The following VPS54 variants were observed in gnomAD, a reference collection of about 807,000 sequenced individuals.
VPS54 encodes vacuolar protein sorting-associated protein 54.
A neutral mutation model predicts 121.5 loss-of-function variants in VPS54; 45 were observed. The observed-to-expected ratio is 0.37, with a 90% CI of 0.29 to 0.47. VPS54 has a LOEUF of 0.47. VPS54 is among the 20% of genes least tolerant of loss of function. The pLI is 0.99. For missense variants in VPS54, 1,090 were observed against 1,131.4 expected (o/e 0.96, Z 0.52); for synonymous variants, 371 against 385.8 (o/e 0.96, Z 0.45).
At chr2:63,939,643 A>C (rs1255224637) in intron 11 of VPS54, among the ~76,000 whole-genome samples, 1 of 152,200 alleles carries the variant, frequency 6.6e-6, no homozygotes. Flanking sequence ...ATCTAATCTG[A>C]CCAGCTAAAG....
chr2:63,921,435 A>T, intron 12 of VPS54, 100 bp from the exon 13 acceptor site: 2 of 1,318,784 alleles, frequency 1.5e-6, no homozygotes, highest in Non-Finnish European at 1.0e-6. Flanking sequence ...TGTAAAATTC[A>T]CATTTGAAGA....
At chr2:63,974,984 AC>A (rs1676457938) in intron 3 of VPS54, 1 of 1,549,286 alleles carries the variant, frequency 6.5e-7, no homozygotes, top group Non-Finnish European at 8.7e-7. Flanking sequence ...GGACATCCTT[AC>A]CTTGATCCTG....
At chr2:64,000,398 T>C (rs571736095) in intron 1 of VPS54, among the ~76,000 whole-genome samples, 3 of 152,232 alleles carry the variant, frequency 2.0e-5, no homozygotes, top group Non-Finnish European at 4.4e-5. Context: ...CCTGGTGCCT[T>C]ATTTAGTTCA....
intron 2 of VPS54, among the ~76,000 whole-genome samples, chr2:63,982,932 A>G (rs1342711818): frequency 1.3e-5 from 2 of 152,210 alleles, no homozygotes; most frequent in African/African-American, 4.8e-5. Flanking sequence ...GCAAATTACC[A>G]CAAATGTGCC....
At chr2:64,005,259 G>A (rs965771553) in intron 1 of VPS54, among the ~76,000 whole-genome samples, 20 of 150,460 alleles carry the variant, frequency 1.3e-4, no homozygotes, top group East Asian at 3.9e-4. Flanking sequence ...GCCCGCCACC[G>A]CGCCCGGCTA....
chr2:63,933,555 T>G, intron 12 of VPS54, 118 bp downstream of exon 12: 1 of 884,294 alleles, frequency 1.1e-6, no homozygotes, highest in Non-Finnish European at 1.7e-6. Flanking sequence ...AATTAATATA[T>G]TTTTGTTAAA....
intron 1 of VPS54, among the ~76,000 whole-genome samples, chr2:63,992,366 T>C (rs1677368424): frequency 6.6e-6 from 1 of 152,206 alleles, no homozygotes; most frequent in Non-Finnish European, 1.5e-5. Flanking sequence ...GTACTCCCAG[T>C]CAGCATATGA....
At chr2:63,914,407 G>T in intron 16 of VPS54, 120 bp from the exon 17 acceptor site, 1 of 687,692 alleles carries the variant, frequency 1.5e-6, no homozygotes, top group South Asian at 1.9e-5. Flanking sequence ...AATGACCTTG[G>T]TAACTATGTT....
In VPS54 at chr2:63,892,857, T is replaced by A. The variant is rs545333043; in HGVS notation, c.*573A>T. 1.3e-5 allele frequency: 2 copies of A among 153,186 alleles called. No homozygotes were observed. Among genetic ancestry groups the A allele is most frequent in the South Asian group, 4.1e-4 (2 of 4,858 alleles). 9.5% of individuals were successfully genotyped at this position (153,186 alleles called of 1,614,324 possible). A position where few individuals can be genotyped will look rare whatever the true frequency, so the allele number is the denominator to read the frequency against. ...TATTAAATATGCAACACACAAAGCCTGCAACTTGACATTGGTCACTGAAAC... is the reference window on the plus strand; with the variant it reads ...TATTAAATATGCAACACACAAAGCCAGCAACTTGACATTGGTCACTGAAAC... On this transcript the variant is annotated 3_prime_UTR_variant, in exon 23 of 23. Coordinates refer to ENST00000272322, the MANE Select transcript of VPS54 (RefSeq NM_016516.3).
In VPS54 at chr2:63,969,099, TAA is replaced by T; in HGVS notation, c.458-110_458-109del. ...TTGTACTGGGTCACATCCAAATAACTAAAGTTTATTCCTTCAACAAATTATCT... is the reference window on the plus strand; with the variant it reads ...TTGTACTGGGTCACATCCAAATAACTAGTTTATTCCTTCAACAAATTATCT... On this transcript the variant is annotated intron_variant, in intron 4 of 22. Transcript: ENST00000272322. 3.5e-6 allele frequency: 3 copies of T among 859,126 alleles called. No homozygotes were observed. The South Asian group carries it at 5.2e-5, about 15-fold the overall frequency. The allele number at this position is 859,126 out of a possible 1,614,324, so 53.2% of individuals were successfully genotyped here. A position where few individuals can be genotyped will look rare whatever the true frequency, so the allele number is the denominator to read the frequency against.
intron 22 of VPS54, 44 bp downstream of exon 22, chr2:63,897,452 C>T: frequency 2.3e-6 from 3 of 1,316,590 alleles, no homozygotes; most frequent in East Asian, 2.4e-5. Flanking sequence ...ATCATTAAAA[C>T]AATTCGATAT....
chr2:63,948,746 A>G (rs1391278541), intron 8 of VPS54, among the ~76,000 whole-genome samples: 4 of 151,458 alleles, frequency 2.6e-5, no homozygotes, highest in African/African-American at 9.8e-5. Context: ...TCGCACACAT[A>G]AACACAGAAT....
intron 3 of VPS54, among the ~76,000 whole-genome samples, chr2:63,980,549 T>G (rs1676760229): frequency 6.6e-6 from 1 of 152,142 alleles, no homozygotes; most frequent in Non-Finnish European, 1.5e-5. Flanking sequence ...TAAAATTCCA[T>G]TTCTGTCTTC....
chr2:63,964,617 T>C (rs1017554164), intron 6 of VPS54, among the ~76,000 whole-genome samples: 1 of 152,208 alleles, frequency 6.6e-6, no homozygotes, highest in African/African-American at 2.4e-5. Flanking sequence ...AAAACCTTTT[T>C]ATAGGTGACA....
chr2:63,998,121 C>T (rs983204779), intron 1 of VPS54, among the ~76,000 whole-genome samples: 4 of 152,102 alleles, frequency 2.6e-5, no homozygotes, highest in Non-Finnish European at 4.4e-5. Context: ...TATATGAGTG[C>T]TCCAATAGTT....
At chr2:64,015,050 T>A (rs753825520) in intron 1 of VPS54, among the ~76,000 whole-genome samples, 16 of 152,040 alleles carry the variant, frequency 1.1e-4, no homozygotes, top group Non-Finnish European at 2.1e-4. Flanking sequence ...TACATACATA[T>A]ATAACATAAG....
At position 63,962,262 on chromosome 2, in the gene VPS54, C is replaced by T; in HGVS notation, c.806G>A (p.Gly269Glu). The T allele has an allele frequency of 6.2e-7, 1 of 1,613,990 alleles. No homozygotes were observed. The highest frequency in any genetic ancestry group is 8.5e-7 in the Non-Finnish European group (1 of 1,179,914). The change falls in exon 7 of 23, where the codon GGA (glycine) becomes GAA (glutamate). Residue 269 changes from glycine to glutamate, a missense_variant. This residue lies in a region of VPS54 where 801 missense variants were observed against 757.0 expected (regional missense o/e 1.06). Transcript: ENST00000272322. ...TGCCAGTCTTAAAATGTGGAGTGAT[C>T]CTTCACACATTACTTTATCAATCTG... is the stretch of plus-strand genomic sequence containing the variant. ...IAQIDKVMCE[G>E]SLHILRLALT...
At chr2:64,014,227 T>C (rs1302596988) in intron 1 of VPS54, among the ~76,000 whole-genome samples, 1 of 152,126 alleles carries the variant, frequency 6.6e-6, no homozygotes, top group Non-Finnish European at 1.5e-5. Flanking sequence ...AAGGCAGGCA[T>C]AGTAAATGAA....
At chr2:64,008,259 GA>G (rs1454412201) in intron 1 of VPS54, among the ~76,000 whole-genome samples, 1 of 151,740 alleles carries the variant, frequency 6.6e-6, no homozygotes, top group African/African-American at 2.4e-5. Flanking sequence ...CAAAAAATAC[GA>G]AAAATTAGCC....
Sources: gnomAD v4.1 joint callset for allele counts (sites outside exome capture counted in the v4.1 genomes callset) on GRCh38, gnomAD v4.1.1 for gene constraint, gnomAD v4.1.1 regional missense constraint, MANE v1.5 for transcripts, NCBI Gene and HGNC (gene_info 2026-07-23, HGNC 2026-07-21) for gene names.